The following GREB1L variants were observed in gnomAD, a reference collection of about 807,000 sequenced individuals.
The protein encoded by GREB1L is GREB1-like protein.
Under a neutral mutation model 200.8 loss-of-function variants are expected in GREB1L, and 17 were observed. The observed-to-expected ratio is 0.08, with a 90% CI of 0.06 to 0.13. The LOEUF (loss-of-function observed/expected upper bound fraction) is 0.13, where lower values mean the gene tolerates loss of function less well. Among genes scored for constraint, GREB1L ranks in the 10% least tolerant of loss-of-function variants. The pLI, the probability that GREB1L is intolerant of heterozygous loss-of-function variation, is 1.00. For missense variants in GREB1L, 1,657 were observed against 2,367.7 expected, an observed-to-expected ratio of 0.70 and a Z score of 6.23; for synonymous variants, 789 against 893.0, an observed-to-expected ratio of 0.88 and a Z score of 2.08.
At chr18:21,362,456 G>A (rs2039594460) in intron 1 of GREB1L, among the ~76,000 whole-genome samples, 1 of 152,070 alleles carries the variant, frequency 6.6e-6, no homozygotes, top group Admixed American at 6.5e-5. Context: ...TTTTATTAAA[G>A]AAATGCCATT....
intron 9 of GREB1L, among the ~76,000 whole-genome samples, chr18:21,440,989 G>A (rs291783): frequency 0.37 from 56,709 of 152,148 alleles, 16,063 homozygotes; most frequent in African/African-American, 0.77. Context: ...ATGCCAGTCT[G>A]TCACTATGGT....
chr18:21,389,062 A>G (rs550265371), intron 4 of GREB1L, among the ~76,000 whole-genome samples: 2 of 152,200 alleles, frequency 1.3e-5, no homozygotes, highest in Admixed American at 6.5e-5. Context: ...CCCAGATCAC[A>G]CTGAAGGAGC....
In GREB1L at chr18:21,432,289, A is replaced by G. The variant is rs1442952463; in HGVS notation, c.833-7232A>G. On this transcript the variant is annotated intron_variant, in intron 7 of 32. Coordinates refer to ENST00000424526, the MANE Select transcript of GREB1L (RefSeq NM_001142966.3). ...CTCTCTGGCTACTATTTATATGGCT[A>G]TAAAATTTTGCCATGCAGAAATTAT... 5.9e-5 allele frequency among the ~76,000 whole-genome samples: 9 copies of G among 152,342 alleles called. No individual in the cohort carries two copies. In the South Asian group the frequency reaches 1.0e-3, roughly 18 times the overall value.
At position 21,395,501 on chromosome 18, in the gene GREB1L, C is replaced by T; in HGVS notation, c.472C>T (p.Leu158=). 6.4e-7 allele frequency: 1 copy of T among 1,551,296 alleles called. No individual in the cohort carries two copies. The change falls in exon 5 of 33, where the codon CTA becomes TTA. Residue 158 remains leucine (L), a synonymous_variant. Transcript: ENST00000424526. ...GTCTCCCAATCTGCCTGAACACATCCTAGTTTGTGCTGTGGACAAGCGATT... is the reference window on the plus strand; with the variant it reads ...GTCTCCCAATCTGCCTGAACACATCTTAGTTTGTGCTGTGGACAAGCGATT... ...AKSPNLPEHI[L]VCAVDKRFLP...
At chr18:21,268,513 A>ATATATATATG (rs2038011567) in intron 1 of GREB1L, among the ~76,000 whole-genome samples, 1 of 78,536 alleles carries the variant, frequency 1.3e-5, no homozygotes, top group Admixed American at 1.3e-4. Flanking sequence ...ATATATATGT[A>ATATATATATG]TATATATATA....
At chr18:21,245,447 A>G (rs2037581248) in intron 1 of GREB1L, among the ~76,000 whole-genome samples, 1 of 152,228 alleles carries the variant, frequency 6.6e-6, no homozygotes, top group Non-Finnish European at 1.5e-5. Flanking sequence ...ACCAGTAGTG[A>G]AATTCTTCAA....
chr18:21,485,957 C>A (rs2036111755), intron 18 of GREB1L, among the ~76,000 whole-genome samples: 1 of 152,166 alleles, frequency 6.6e-6, no homozygotes, highest in South Asian at 2.1e-4. Flanking sequence ...GAAAATACAA[C>A]CAAAGTGGGC....
At chr18:21,250,730 G>A (rs1471018048) in intron 1 of GREB1L, among the ~76,000 whole-genome samples, 1 of 152,194 alleles carries the variant, frequency 6.6e-6, no homozygotes, top group Non-Finnish European at 1.5e-5. Context: ...ACCATAACTT[G>A]TATCCACATC....
intron 23 of GREB1L, among the ~76,000 whole-genome samples, chr18:21,501,497 T>C (rs1379533748): frequency 1.3e-5 from 2 of 152,182 alleles, no homozygotes; most frequent in African/African-American, 4.8e-5. Flanking sequence ...GGTTTTCTGT[T>C]CCTGTGTTAG....
At chr18:21,511,694 G>C (rs1022774569) in intron 27 of GREB1L, among the ~76,000 whole-genome samples, 7 of 152,176 alleles carry the variant, frequency 4.6e-5, no homozygotes, top group African/African-American at 1.4e-4. Flanking sequence ...ACCCAAGCTA[G>C]AGTGTGCAGT....
chr18:21,473,568 C>CAAAAAAAAA (rs1261372851), intron 16 of GREB1L, among the ~76,000 whole-genome samples: 1 of 46,632 alleles, frequency 2.1e-5, no homozygotes, highest in Non-Finnish European at 4.2e-5. Flanking sequence ...GACTTTGTCT[C>CAAAAAAAAA]AAAAAAAAAA....
chr18:21,484,747 C>T (rs1262742048), intron 17 of GREB1L, among the ~76,000 whole-genome samples: 13 of 152,148 alleles, frequency 8.5e-5, no homozygotes, highest in East Asian at 5.8e-4. Flanking sequence ...CGCTTGAAAC[C>T]GGGAGGCAGA....
At chr18:21,496,422 G>T in intron 20 of GREB1L, 32 bp from the exon 21 acceptor site, 2 of 1,550,502 alleles carry the variant, frequency 1.3e-6, no homozygotes, top group South Asian at 1.2e-5. Context: ...TGGCCAGATA[G>T]ACTCACCAAC....
intron 1 of GREB1L, among the ~76,000 whole-genome samples, chr18:21,276,740 GTCTT>G (rs1187061257): frequency 2.6e-5 from 4 of 151,508 alleles, no homozygotes; most frequent in African/African-American, 9.7e-5. Context: ...TTCATTTCTA[GTCTT>G]TCTATTAAAA....
chr18:21,311,610 G>A (rs1288077069), intron 1 of GREB1L, among the ~76,000 whole-genome samples: 2 of 152,066 alleles, frequency 1.3e-5, no homozygotes, highest in Non-Finnish European at 2.9e-5. Flanking sequence ...GCTCAATATG[G>A]AAACATTATT....
chr18:21,405,902 C>T (rs1341896226), intron 7 of GREB1L, among the ~76,000 whole-genome samples: 1 of 151,928 alleles, frequency 6.6e-6, no homozygotes, highest in East Asian at 1.9e-4. Context: ...TAGGCCTAGG[C>T]ATGTGGATCC....
intron 7 of GREB1L, among the ~76,000 whole-genome samples, chr18:21,428,966 C>G (rs897131915): frequency 2.6e-5 from 4 of 152,052 alleles, no homozygotes; most frequent in African/African-American, 9.7e-5. Context: ...GATCCACCAG[C>G]CTTGGCCTCC....
intron 7 of GREB1L, among the ~76,000 whole-genome samples, chr18:21,409,942 A>G (rs1010102009): frequency 3.9e-5 from 6 of 152,074 alleles, no homozygotes; most frequent in Admixed American, 6.6e-5. Context: ...TAGAAGCTTT[A>G]TGTTCTTTTT....
rs190452888 is a variant in GREB1L at position 21,421,813 on chromosome 18, T to G, written c.833-17708T>G. On this transcript the variant is annotated intron_variant, in intron 7 of 32. Transcript: ENST00000424526. ...TCAAACTCTCTACTGGCTACGTAAT[T>G]GGCTCCCTATGTTTTGGAAGATTTT... Among the ~76,000 whole-genome samples the G allele has an allele frequency of 8.5e-5, 13 of 152,318 alleles. No individual in the cohort carries two copies. In the East Asian group the frequency reaches 2.5e-3, roughly 29 times the overall value.
Sources: gnomAD v4.1 joint callset for allele counts (sites outside exome capture counted in the v4.1 genomes callset) on GRCh38, gnomAD v4.1.1 for gene constraint, MANE v1.5 for transcripts, NCBI Gene and HGNC (gene_info 2026-07-23, HGNC 2026-07-21) for gene names.